ANXA8: variants seen among roughly 807,000 people sequenced by gnomAD.
ANXA8 encodes the protein annexin A8.
A neutral mutation model predicts 26.8 loss-of-function variants in ANXA8; 9 were observed. The ratio of observed to expected loss-of-function variants is 0.34; its 90% CI spans 0.20 to 0.59. The LOEUF (loss-of-function observed/expected upper bound fraction) is 0.59. Ranked by LOEUF, ANXA8 falls within the 20% of genes least tolerant of loss-of-function variation. The pLI, the probability that ANXA8 is intolerant of heterozygous loss-of-function variation, is 0.84. For synonymous variants in ANXA8, 39 were observed against 94.8 expected (o/e 0.41, Z 3.42); for missense variants, 83 against 238.5 (o/e 0.35, Z 4.29).
At chr10:47,490,478 G>C in the ANXA8 span, 16 of 152,790 alleles carry the variant, frequency 1.0e-4, no homozygotes, top group Non-Finnish European at 1.9e-4. Context: ...GGGAGCCCAC[G>C]CTATTTATTG....
At chr10:47,594,801 C>G in the ANXA8 span, among the ~76,000 whole-genome samples, 1 of 146,960 alleles carries the variant, frequency 6.8e-6, no homozygotes, top group Admixed American at 6.7e-5. Flanking sequence ...ATTGGTATTC[C>G]TGAGAGAAAA....
chr10:47,909,022 C>T, the ANXA8 span, among the ~76,000 whole-genome samples: 15 of 78,490 alleles, frequency 1.9e-4, 4 homozygotes, highest in Non-Finnish European at 3.1e-4. Flanking sequence ...CACACACACA[C>T]ACACACACAC....
the ANXA8 span, among the ~76,000 whole-genome samples, chr10:47,930,509 CAGA>C: frequency 6.9e-6 from 1 of 145,798 alleles, no homozygotes; most frequent in Admixed American, 6.9e-5. Context: ...TCTCAAAAAA[CAGA>C]AGACTAATTT....
chr10:47,640,735 A>C, the ANXA8 span, among the ~76,000 whole-genome samples: 1 of 128,964 alleles, frequency 7.8e-6, no homozygotes, highest in South Asian at 2.3e-4. Context: ...TGCGCATTTC[A>C]CTCTATCTAT....
the ANXA8 span, among the ~76,000 whole-genome samples, chr10:47,667,060 C>A: frequency 6.6e-6 from 1 of 152,022 alleles, no homozygotes; most frequent in Non-Finnish European, 1.5e-5. Flanking sequence ...GAAGACTTTT[C>A]CAGAGCACAG....
chr10:47,673,700 A>G, the ANXA8 span, among the ~76,000 whole-genome samples: 1 of 151,848 alleles, frequency 6.6e-6, no homozygotes, highest in African/African-American at 2.4e-5. Flanking sequence ...TTTTTGAAAC[A>G]GTTTCAGATT....
At chr10:47,484,125 T>C (rs1186357813), upstream of ANXA8, 8 of 1,430,786 alleles carry the variant, frequency 5.6e-6, no homozygotes, top group African/African-American at 7.1e-5. Flanking sequence ...TGCCTGGCTT[T>C]GGGCATCTCC....
the ANXA8 span, among the ~76,000 whole-genome samples, chr10:47,639,110 T>C: frequency 6.7e-6 from 1 of 149,512 alleles, no homozygotes; most frequent in Non-Finnish European, 1.5e-5. Flanking sequence ...CTGCCAGAAT[T>C]TAGTTTTTTG....
the ANXA8 span, chr10:47,970,285 T>G: frequency 6.6e-6 from 1 of 151,456 alleles, no homozygotes; most frequent in African/African-American, 2.4e-5. Flanking sequence ...CTCATCCCAC[T>G]GGGGCCACCC....
the ANXA8 span, among the ~76,000 whole-genome samples, chr10:47,948,787 A>T: frequency 6.6e-6 from 1 of 151,094 alleles, no homozygotes; most frequent in African/African-American, 2.4e-5. Context: ...CAAGATAAGC[A>T]CAAAGAAAAC....
At chr10:47,493,691 C>T in the ANXA8 span, among the ~76,000 whole-genome samples, 1 of 151,004 alleles carries the variant, frequency 6.6e-6, no homozygotes, top group Non-Finnish European at 1.5e-5. Context: ...ACTGCCCAGC[C>T]CAGAGCCAGG....
the ANXA8 span, among the ~76,000 whole-genome samples, chr10:47,496,710 A>G: frequency 3.4e-5 from 5 of 147,644 alleles, no homozygotes; most frequent in African/African-American, 2.5e-5. Flanking sequence ...TAACCGTGAC[A>G]TCTTGAACCA....
At chr10:47,649,882 A>G in the ANXA8 span, among the ~76,000 whole-genome samples, 1 of 147,860 alleles carries the variant, frequency 6.8e-6, no homozygotes, top group Non-Finnish European at 1.5e-5. Context: ...GGCATGTGCC[A>G]CCACATCCCA....
the ANXA8 span, among the ~76,000 whole-genome samples, chr10:47,609,601 C>T: frequency 2.2e-4 from 6 of 27,812 alleles, no homozygotes; most frequent in Non-Finnish European, 3.4e-4. Flanking sequence ...GAGAATAGAA[C>T]ATAAAGTAGC....
chr10:47,703,644 C>A, the ANXA8 span, among the ~76,000 whole-genome samples: 5 of 151,140 alleles, frequency 3.3e-5, no homozygotes, highest in Non-Finnish European at 7.4e-5. Flanking sequence ...AATACTGCAC[C>A]GACACAAATG....
chr10:47,580,276 A>G, the ANXA8 span, among the ~76,000 whole-genome samples: 1 of 152,296 alleles, frequency 6.6e-6, no homozygotes, highest in African/African-American at 2.4e-5. Flanking sequence ...AAGGAACTAG[A>G]GGAATTGAAC....
chr10:47,529,172 G>C, the ANXA8 span, among the ~76,000 whole-genome samples: 10 of 143,882 alleles, frequency 7.0e-5, 2 homozygotes, highest in African/African-American at 2.5e-4. Flanking sequence ...TCACAATAAA[G>C]TTTTACGACC....
At chr10:47,941,293 T>C in the ANXA8 span, among the ~76,000 whole-genome samples, 2 of 146,442 alleles carry the variant, frequency 1.4e-5, no homozygotes. Flanking sequence ...CCACCTGTTT[T>C]TCTTTGTCTT....
At chr10:47,645,703 A>C in the ANXA8 span, among the ~76,000 whole-genome samples, 1 of 151,290 alleles carries the variant, frequency 6.6e-6, no homozygotes, top group Non-Finnish European at 1.5e-5. Flanking sequence ...ATTTCTGAGT[A>C]TGTCTGTGTT....
Sources: allele counts gnomAD v4.1 joint callset (sites outside exome capture counted in the v4.1 genomes callset), GRCh38; gene constraint gnomAD v4.1.1; transcripts MANE v1.5; gene names NCBI Gene and HGNC (gene_info 2026-07-23, HGNC 2026-07-21).